The following UPK3A variants were observed in gnomAD, a reference collection of about 807,000 sequenced individuals.
The protein encoded by UPK3A is uroplakin-3a.
In UPK3A, 32 loss-of-function variants were observed where a neutral mutation model predicts 27.6. The ratio of observed to expected loss-of-function variants is 1.16; its 90% CI spans 0.87 to 1.55. The LOEUF is 1.55. Ranked by LOEUF, UPK3A falls within the 40% of genes most tolerant of loss-of-function variation. The pLI is 0.00. For missense variants in UPK3A, 370 were observed against 367.9 expected, an observed-to-expected ratio of 1.01 and a Z score of -0.05; for synonymous variants, 171 against 163.9, an observed-to-expected ratio of 1.04 and a Z score of -0.33.
intron 1 of UPK3A, among the ~76,000 whole-genome samples, chr22:45,285,283 G>T (rs1489400296): frequency 1.3e-5 from 2 of 152,242 alleles, no homozygotes; most frequent in Non-Finnish European, 2.9e-5. Flanking sequence ...AGACCAACAT[G>T]CAGGGGGGCT....
intron 3 of UPK3A, among the ~76,000 whole-genome samples, chr22:45,287,732 A>G (rs1010356974): frequency 6.6e-6 from 1 of 152,114 alleles, no homozygotes; most frequent in African/African-American, 2.4e-5. Flanking sequence ...ACACAATCTC[A>G]GCTCACTGCA....
At position 45,286,015 on chromosome 22, in the gene UPK3A, G is replaced by GA; in HGVS notation, c.131dup (p.Pro45AlafsTer6). On this transcript the variant is annotated frameshift_variant, in exon 2 of 6. Coordinates refer to ENST00000216211, the MANE Select transcript of UPK3A (RefSeq NM_006953.4). LOFTEE classifies it high-confidence loss of function. Reference sequence around the variant, plus strand: ...CCCCACACTTACCACTGTGGCCTTGGAAAAGCCTCTCTGCATGTTTGACAG... The same window carrying GA: ...CCCCACACTTACCACTGTGGCCTTGGAAAAAGCCTCTCTGCATGTTTGACAG... 6.2e-7 allele frequency: 1 copy of GA among 1,614,134 alleles called. No homozygotes were observed. Among genetic ancestry groups the GA allele is most frequent in the Non-Finnish European group, 8.5e-7 (1 of 1,180,002 alleles).
rs2084173253 is a variant in UPK3A at position 45,293,201 on chromosome 22, G to A, written c.592G>A (p.Asp198Asn). ...TNQLTPYSTIDTWPGRRSGGM... is the reference protein window; with the variant it reads ...TNQLTPYSTINTWPGRRSGGM... ...CACAGTCACCCCATACTCGACGATC[G>A]ACACGTGGCCAGGCCGGCGGAGCGG... Residue 198 changes from aspartate to asparagine, a missense_variant, in exon 5 of 6, where the codon GAC becomes AAC. Asp to Asn is a conservative substitution (Grantham distance 23, BLOSUM62 1). Coordinates refer to ENST00000216211, the MANE Select transcript of UPK3A (RefSeq NM_006953.4). 5 of 1,613,948 alleles carry A rather than the reference G, an allele frequency of 3.1e-6. No homozygotes were observed. Among genetic ancestry groups the A allele is most frequent in the Non-Finnish European group, 3.4e-6 (4 of 1,180,038 alleles).
Position 45,287,276 on chromosome 22 carries a change from T to C in UPK3A, c.313T>C (p.Phe105Leu). ...GRTGPYKAVA[F>L]DLIPCSDLPS... ...GACAGGTCCCTACAAAGCTGTGGCC[T>C]TTGACCTGATCCCCTGCAGTGACCT... Residue 105 changes from phenylalanine (F) to leucine (L), a missense_variant, in exon 3 of 6, where the codon TTT becomes CTT. Coordinates refer to ENST00000216211, the MANE Select transcript of UPK3A (RefSeq NM_006953.4). 6.2e-7 allele frequency: 1 copy of C among 1,614,196 alleles called. No homozygotes were observed. Among genetic ancestry groups the C allele is most frequent in the Non-Finnish European group, 8.5e-7 (1 of 1,180,032 alleles).
intron 4 of UPK3A, among the ~76,000 whole-genome samples, chr22:45,292,951 A>AG (rs1446891199): frequency 4.0e-5 from 6 of 151,654 alleles, no homozygotes; most frequent in African/African-American, 1.5e-4. Flanking sequence ...AAAAGAGAAG[A>AG]AAGAGTTAAA....
rs368575767 is a variant in UPK3A, at chr22:45,288,938, G to A, written c.489-123G>A. The A allele has an allele frequency of 5.5e-4, 494 of 892,594 alleles. 4 individuals are homozygous for A. In the South Asian group the frequency reaches 5.8e-3, roughly 10 times the overall value. The allele number at this position is 892,594 out of a possible 1,614,324, so 55.3% of individuals were successfully genotyped here. A position where few individuals can be genotyped will look rare whatever the true frequency, so the allele number is the denominator to read the frequency against. ...CCGCTCAGTAGCCGTCTACATTTCC[G>A]TCTCCTGGAAGGGCCCCCGCTGCCG... On this transcript the variant is annotated intron_variant, in intron 3 of 5. Coordinates refer to ENST00000216211, the MANE Select transcript of UPK3A (RefSeq NM_006953.4).
At chr22:45,288,200 C>CT (rs71656956) in intron 3 of UPK3A, among the ~76,000 whole-genome samples, 18,427 of 146,548 alleles carry the variant, frequency 0.13, 1,765 homozygotes, top group African/African-American at 0.26. Context: ...TCAACTTCTG[C>CT]TTTTTTTTTT....
chr22:45,291,729 G>A (rs1280647219), intron 4 of UPK3A, among the ~76,000 whole-genome samples: 1 of 143,336 alleles, frequency 7.0e-6, no homozygotes, highest in Non-Finnish European at 1.5e-5. Context: ...GTTGGTATGC[G>A]TGGTGTGTGT....
chr22:45,288,754 T>C (rs2084137600), intron 3 of UPK3A, among the ~76,000 whole-genome samples: 1 of 152,246 alleles, frequency 6.6e-6, no homozygotes, highest in South Asian at 2.1e-4. Flanking sequence ...GTGTGTTACA[T>C]GGAGGAAAGA....
At chr22:45,291,502 G>T (rs2084160748) in intron 4 of UPK3A, among the ~76,000 whole-genome samples, 1 of 151,194 alleles carries the variant, frequency 6.6e-6, no homozygotes, top group Non-Finnish European at 1.5e-5. Flanking sequence ...GTGTGTGAGT[G>T]TGAGAGTGTG....
intron 4 of UPK3A, among the ~76,000 whole-genome samples, chr22:45,292,148 C>T (rs1189071454): frequency 6.6e-6 from 1 of 152,132 alleles, no homozygotes; most frequent in Non-Finnish European, 1.5e-5. Flanking sequence ...TTATGGACCT[C>T]GGTTTCCTCA....
In UPK3A at chr22:45,295,569, G is replaced by A. The variant is rs748691118; in HGVS notation, c.714G>A (p.Gly238=). The part of the protein sequence containing the change: ...GAIALSLVDM[G]SSDGETTHDS... ...CCATCCCCTTGGACAGGGACATGGG[G>A]AGTTCTGATGGGGAAACGACTCACG... is the stretch of plus-strand genomic sequence containing the variant. The change falls in exon 6 of 6, where the codon GGG becomes GGA. Residue 238 remains glycine, a synonymous_variant. Transcript: ENST00000216211. The A allele has an allele frequency of 9.3e-5, 150 of 1,614,072 alleles. 2 individuals are homozygous for A. The South Asian group carries it at 1.6e-3, about 17-fold the overall frequency.
chr22:45,291,403 G>GTTTA (rs1555906031), intron 4 of UPK3A, among the ~76,000 whole-genome samples: 2 of 149,564 alleles, frequency 1.3e-5, no homozygotes, highest in East Asian at 4.0e-4. Context: ...TGTGTGGGTG[G>GTTTA]TGTGAGAGTG....
intron 5 of UPK3A, among the ~76,000 whole-genome samples, chr22:45,294,904 C>T (rs1407933481): frequency 5.7e-5 from 8 of 140,156 alleles, no homozygotes; most frequent in Admixed American, 4.4e-4. Context: ...TTTTTTGAGA[C>T]GGAGTTTTGC....
chr22:45,289,234 C>G, intron 4 of UPK3A, 91 bp downstream of exon 4: 1 of 1,315,330 alleles, frequency 7.6e-7, no homozygotes, highest in Non-Finnish European at 1.1e-6. Flanking sequence ...TCCTCTGTCC[C>G]TGTGAAAGCC....
At position 45,295,692 on chromosome 22, in the gene UPK3A, G is replaced by A; in HGVS notation, c.837G>A (p.Glu279=). ...GGGGGCCGCCACTGGACAGGGCTGAGGTGTATTCCAGCAAGCTCCAAGACT... is the reference window on the plus strand; with the variant it reads ...GGGGGCCGCCACTGGACAGGGCTGAAGTGTATTCCAGCAAGCTCCAAGACT... ...VNRGPPLDRA[E]VYSSKLQD Residue 279 remains glutamate (E), a synonymous_variant, in exon 6 of 6, where the codon GAG becomes GAA. Transcript: ENST00000216211. 1 of 1,613,996 alleles carries A rather than the reference G, an allele frequency of 6.2e-7. No homozygotes were observed. Among genetic ancestry groups the A allele is most frequent in the Non-Finnish European group, 8.5e-7 (1 of 1,180,026 alleles).
intron 2 of UPK3A, 129 bp from the exon 3 acceptor site, chr22:45,287,043 C>G: frequency 7.1e-7 from 1 of 1,402,886 alleles, no homozygotes; most frequent in Non-Finnish European, 9.9e-7. Flanking sequence ...AAGTTTGCCC[C>G]ATGCCTGTGA....
chr22:45,290,566 A>G (rs562669669), intron 4 of UPK3A, among the ~76,000 whole-genome samples: 17 of 151,640 alleles, frequency 1.1e-4, no homozygotes, highest in African/African-American at 3.6e-4. Context: ...TGAGTGTGAG[A>G]ATGTGTGTGG....
rs555600872 is a variant in UPK3A, at chr22:45,290,462, G to T, written c.571+1319G>T. On this transcript the variant is annotated intron_variant, in intron 4 of 5. Transcript: ENST00000216211. ...GAGTATGTGAGTGCCCGTGCCTGTT[G>T]TGGTATGTCTATGTGTGTGTGTTTG... Among the ~76,000 whole-genome samples, 38 of 152,254 alleles carry T rather than the reference G, an allele frequency of 2.5e-4. No homozygotes were observed. The South Asian group carries it at 7.7e-3, about 31-fold the overall frequency.
Sources: gnomAD v4.1 joint callset for allele counts (sites outside exome capture counted in the v4.1 genomes callset) on GRCh38, gnomAD v4.1.1 for gene constraint, MANE v1.5 for transcripts, NCBI Gene and HGNC (gene_info 2026-07-23, HGNC 2026-07-21) for gene names.